Variants in PARVA observed in about 807,000 individuals in gnomAD.
The protein encoded by PARVA is alpha-parvin.
PARVA carries 25 observed loss-of-function variants against 52.6 expected under a neutral mutation model. The observed-to-expected ratio is 0.48, with a 90% CI of 0.35 to 0.66. The LOEUF (loss-of-function observed/expected upper bound fraction) is 0.66, where lower values mean the gene tolerates loss of function less well. PARVA is among the 30% of genes least tolerant of loss of function. The pLI is 0.01. For synonymous variants in PARVA, 185 were observed against 179.1 expected, an observed-to-expected ratio of 1.03 and a Z score of -0.26; for missense variants, 373 against 450.9, an observed-to-expected ratio of 0.83 and a Z score of 1.56.
At chr11:12,472,679 A>G (rs1379343369) in intron 1 of PARVA, among the ~76,000 whole-genome samples, 1 of 135,576 alleles carries the variant, frequency 7.4e-6, no homozygotes, top group Non-Finnish European at 1.5e-5. Flanking sequence ...TGGTGAGGCC[A>G]GAGTCAATAA....
chr11:12,446,086 CAAAA>C (rs1376332141), intron 1 of PARVA, among the ~76,000 whole-genome samples: 1 of 149,300 alleles, frequency 6.7e-6, no homozygotes, highest in Non-Finnish European at 1.5e-5. Context: ...ATCAACAAAA[CAAAA>C]AGGTGAAAAG....
At chr11:12,476,002 G>A (rs537127958) in intron 3 of PARVA, among the ~76,000 whole-genome samples, 1 of 152,316 alleles carries the variant, frequency 6.6e-6, no homozygotes, top group South Asian at 2.1e-4. Flanking sequence ...AGGGTAGGGG[G>A]AAAGGGGCTA....
At chr11:12,478,227 A>C in intron 4 of PARVA, 1 of 482,634 alleles carries the variant, frequency 2.1e-6, no homozygotes, top group Non-Finnish European at 3.8e-6. Flanking sequence ...ACTGTATATT[A>C]ATAACTAGAA....
intron 1 of PARVA, among the ~76,000 whole-genome samples, chr11:12,444,387 G>T (rs1940515539): frequency 6.6e-6 from 1 of 152,122 alleles, no homozygotes; most frequent in South Asian, 2.1e-4. Flanking sequence ...CTAATTCATG[G>T]TGATGACTGA....
At chr11:12,414,760 A>C (rs974846872) in intron 1 of PARVA, among the ~76,000 whole-genome samples, 1 of 152,220 alleles carries the variant, frequency 6.6e-6, no homozygotes, top group Non-Finnish European at 1.5e-5. Context: ...AATTCAAAAC[A>C]TGGAATTAGA....
intron 1 of PARVA, among the ~76,000 whole-genome samples, chr11:12,389,978 T>C (rs1310680496): frequency 6.6e-6 from 1 of 152,190 alleles, no homozygotes; most frequent in Non-Finnish European, 1.5e-5. Flanking sequence ...GAGGCAATGC[T>C]CCTCTTCTAC....
rs79884636 is a variant in PARVA, at chr11:12,437,849, C to T, written c.137-35896C>T. 5.2e-3 allele frequency among the ~76,000 whole-genome samples: 798 copies of T among 152,246 alleles called. 7 individuals carry two copies. Among genetic ancestry groups the T allele is most frequent in the African/African-American group, 0.018 (751 of 41,550 alleles). On this transcript the variant is annotated intron_variant, in intron 1 of 12. Coordinates refer to ENST00000334956, the MANE Select transcript of PARVA (RefSeq NM_018222.5). ...CTTGGTCGGTGCTTCCCATTCACCC[C>T]GTGACTTTGTACCTCTGCTGAAGCA...
intron 1 of PARVA, among the ~76,000 whole-genome samples, chr11:12,388,150 A>C (rs756618345): frequency 1.6e-4 from 25 of 152,074 alleles, no homozygotes; most frequent in Non-Finnish European, 2.5e-4. Flanking sequence ...AAAAGACAGA[A>C]CTCACCAAGA....
intron 1 of PARVA, among the ~76,000 whole-genome samples, chr11:12,452,423 T>C (rs1406357731): frequency 6.6e-6 from 1 of 151,980 alleles, no homozygotes; most frequent in African/African-American, 2.4e-5. Flanking sequence ...TTAAGTTATC[T>C]CACCTGATAG....
intron 1 of PARVA, among the ~76,000 whole-genome samples, chr11:12,450,496 A>G (rs1330765822): frequency 6.6e-6 from 1 of 152,234 alleles, no homozygotes; most frequent in Non-Finnish European, 1.5e-5. Flanking sequence ...AAAGAGAATG[A>G]AGCCTCAGGG....
At chr11:12,412,068 G>T (rs1216999525) in intron 1 of PARVA, among the ~76,000 whole-genome samples, 1 of 152,040 alleles carries the variant, frequency 6.6e-6, no homozygotes, top group Non-Finnish European at 1.5e-5. Flanking sequence ...CTTCCTCCCT[G>T]ATGCAATTCC....
intron 5 of PARVA, among the ~76,000 whole-genome samples, chr11:12,502,883 A>C (rs1941381047): frequency 6.6e-6 from 1 of 152,058 alleles, no homozygotes; most frequent in African/African-American, 2.4e-5. Context: ...CTCCATTTGT[A>C]AAGATGAGCA....
chr11:12,438,974 A>C (rs1433153649), intron 1 of PARVA, among the ~76,000 whole-genome samples: 2 of 152,142 alleles, frequency 1.3e-5, no homozygotes, highest in African/African-American at 4.8e-5. Flanking sequence ...AGGAAGATTG[A>C]GGCAAAATGG....
chr11:12,377,396 C>T (rs927332970), upstream of PARVA: 97 of 1,360,448 alleles, frequency 7.1e-5, 1 homozygote, highest in East Asian at 3.0e-3. Flanking sequence ...GGGGCATCCT[C>T]CCTGCTTGGG....
Position 12,513,992 on chromosome 11 carries a change from T to C in PARVA, c.799-5T>C, listed in dbSNP as rs752276729. On this transcript the variant is annotated splice_region_variant and splice_polypyrimidine_tract_variant and intron_variant, in intron 9 of 12. Transcript: ENST00000334956. ...AGCTTAGGGCCTGCTTTGCTTCTCT[T>C]TTAGACACTCATCACTTTCGTGAAC... is the stretch of plus-strand genomic sequence containing the variant. 6 of 1,613,584 alleles carry C rather than the reference T, an allele frequency of 3.7e-6. No homozygotes were observed. In the East Asian group the frequency reaches 8.9e-5, roughly 24 times the overall value.
intron 5 of PARVA, among the ~76,000 whole-genome samples, chr11:12,496,846 G>C (rs918848335): frequency 6.6e-6 from 1 of 152,168 alleles, no homozygotes; most frequent in Non-Finnish European, 1.5e-5. Context: ...GAAACCTCAC[G>C]TGAAATGGGG....
chr11:12,474,908 G>A (rs1940987673), intron 3 of PARVA, among the ~76,000 whole-genome samples: 1 of 151,154 alleles, frequency 6.6e-6, no homozygotes, highest in Non-Finnish European at 1.5e-5. Context: ...AGAGGTTGCA[G>A]TGAGCCATGA....
At chr11:12,439,580 A>C (rs955035032) in intron 1 of PARVA, among the ~76,000 whole-genome samples, 2 of 152,196 alleles carry the variant, frequency 1.3e-5, no homozygotes, top group African/African-American at 4.8e-5. Flanking sequence ...CTGGGTTGCC[A>C]TGTTTGAGAC....
chr11:12,457,684 G>A (rs1291677202), intron 1 of PARVA, among the ~76,000 whole-genome samples: 2 of 152,228 alleles, frequency 1.3e-5, no homozygotes, highest in Non-Finnish European at 2.9e-5. Context: ...CATCCATTCA[G>A]TAAATATGTA....
Sources: gnomAD v4.1 joint callset for allele counts (sites outside exome capture counted in the v4.1 genomes callset) on GRCh38, gnomAD v4.1.1 for gene constraint, MANE v1.5 for transcripts, NCBI Gene and HGNC (gene_info 2026-07-23, HGNC 2026-07-21) for gene names.